The following SLC35A1 variants were observed in gnomAD, a reference collection of about 807,000 sequenced individuals.
The protein encoded by SLC35A1 is solute carrier family 35 member A1.
In SLC35A1, 21 loss-of-function variants were observed where a neutral mutation model predicts 40.3. The observed-to-expected ratio is 0.52, with a 90% confidence interval of 0.37 to 0.75. SLC35A1 has a LOEUF of 0.75. SLC35A1 is among the 30% of genes least tolerant of loss of function. SLC35A1 has a pLI of 0.00. For synonymous variants in SLC35A1, 146 were observed against 147.3 expected, an observed-to-expected ratio of 0.99 and a Z score of 0.06; for missense variants, 297 against 382.1, an observed-to-expected ratio of 0.78 and a Z score of 1.86.
intron 2 of SLC35A1, among the ~76,000 whole-genome samples, chr6:87,498,299 A>G (rs78575884): frequency 0.017 from 2,584 of 152,254 alleles, 84 homozygotes; most frequent in African/African-American, 0.059. Flanking sequence ...CACTTCATAC[A>G]GTCTGTAAAA....
At chr6:87,502,471 T>C (rs976946233) in intron 4 of SLC35A1, among the ~76,000 whole-genome samples, 2 of 152,224 alleles carry the variant, frequency 1.3e-5, no homozygotes, top group African/African-American at 4.8e-5. Context: ...CTAGATGGTA[T>C]AGACTACTTA....
chr6:87,475,368 CTT>C (rs1769038225), intron 1 of SLC35A1, among the ~76,000 whole-genome samples: 1 of 152,204 alleles, frequency 6.6e-6, no homozygotes, highest in African/African-American at 2.4e-5. Context: ...AGTGCCTTCT[CTT>C]CTACTGATTA....
intron 2 of SLC35A1, among the ~76,000 whole-genome samples, chr6:87,482,443 T>C (rs576461791): frequency 1.3e-5 from 2 of 152,352 alleles, no homozygotes; most frequent in Admixed American, 6.5e-5. Flanking sequence ...AATAAGACTT[T>C]CTTTAGTTTA....
chr6:87,493,515 C>T (rs761715095), intron 2 of SLC35A1, among the ~76,000 whole-genome samples: 4 of 151,930 alleles, frequency 2.6e-5, no homozygotes, highest in Admixed American at 1.3e-4. Flanking sequence ...ATTGATACCA[C>T]AATTTTGATC....
chr6:87,506,897 T>TAGG (rs1770098870), intron 5 of SLC35A1: 1 of 192,986 alleles, frequency 5.2e-6, no homozygotes, highest in African/African-American at 2.4e-5. Flanking sequence ...AGCTATGGAG[T>TAGG]AGGATCATGA....
chr6:87,499,317 T>G (rs1171420318), intron 2 of SLC35A1, among the ~76,000 whole-genome samples: 1 of 152,254 alleles, frequency 6.6e-6, no homozygotes, highest in Non-Finnish European at 1.5e-5. Context: ...TATCAAACTT[T>G]GAGTTGGAAC....
intron 7 of SLC35A1, 128 bp from the exon 8 acceptor site, chr6:87,511,271 C>T (rs1373937375): frequency 4.0e-6 from 4 of 1,003,562 alleles, no homozygotes; most frequent in Middle Eastern, 2.8e-4. Flanking sequence ...CCTTTCTAAA[C>T]CTTGCCATCA....
rs779752365 is a variant in SLC35A1, at chr6:87,508,605, C to A, written c.751+9C>A. ...TGTCTGGTTTGTCATCTGTAAGTAT[C>A]CAGGAATTAAAGGTTCTTAGTAGAT... On this transcript the variant is annotated intron_variant, in intron 6 of 7. Coordinates refer to ENST00000369552, the MANE Select transcript of SLC35A1 (RefSeq NM_006416.5). The A allele has an allele frequency of 3.7e-6, 6 of 1,606,254 alleles. No homozygotes were observed. Among genetic ancestry groups the A allele is most frequent in the Admixed American group, 3.3e-5 (2 of 59,828 alleles).
chr6:87,495,678 C>T (rs1769704920), intron 2 of SLC35A1, among the ~76,000 whole-genome samples: 2 of 148,832 alleles, frequency 1.3e-5, no homozygotes, highest in African/African-American at 5.0e-5. Flanking sequence ...TTTTTTGAGA[C>T]AGAGTCTAGC....
At chr6:87,493,191 C>A (rs1426962691) in intron 2 of SLC35A1, among the ~76,000 whole-genome samples, 1 of 152,108 alleles carries the variant, frequency 6.6e-6, no homozygotes, top group African/African-American at 2.4e-5. Context: ...TTTTGATGCT[C>A]AAAATGTCCC....
At chr6:87,508,280 A>G in intron 5 of SLC35A1, 140 bp from the exon 6 acceptor site, 1 of 625,992 alleles carries the variant, frequency 1.6e-6, no homozygotes, top group Non-Finnish European at 2.8e-6. Context: ...AACCTACATA[A>G]TAAATGCACA....
chr6:87,506,524 T>TAA, intron 5 of SLC35A1, 76 bp downstream of exon 5: 1 of 1,148,380 alleles, frequency 8.7e-7, no homozygotes, highest in Non-Finnish European at 1.3e-6. Context: ...CAGTCTAGTT[T>TAA]ATCTTGCTTT....
intron 2 of SLC35A1, among the ~76,000 whole-genome samples, chr6:87,480,217 C>T (rs1259344324): frequency 6.6e-6 from 1 of 152,202 alleles, no homozygotes; most frequent in African/African-American, 2.4e-5. Context: ...AAGATGGAGG[C>T]TGGATGGCCC....
chr6:87,498,806 A>G (rs1034446706), intron 2 of SLC35A1, among the ~76,000 whole-genome samples: 3 of 152,138 alleles, frequency 2.0e-5, no homozygotes, highest in Admixed American at 6.5e-5. Context: ...ATGTAAGGAA[A>G]GTATATGGGG....
chr6:87,509,508 G>A (rs2127977832), intron 7 of SLC35A1, among the ~76,000 whole-genome samples: 1 of 152,196 alleles, frequency 6.6e-6, no homozygotes, highest in African/African-American at 2.4e-5. Context: ...AGGTACTCAA[G>A]GAAATACATA....
In SLC35A1 at chr6:87,477,453, A is replaced by G; in HGVS notation, c.108A>G (p.Thr36=). ...VYTIALRYTR[T]SDKELYFSTT... ...CCATAGCTTTAAGATACACAAGGAC[A>G]TCAGACAAAGAACTCTACTTTTCAA... Residue 36 remains threonine, a synonymous_variant, in exon 2 of 8, where the codon ACA becomes ACG. Transcript: ENST00000369552. The G allele has an allele frequency of 6.2e-7, 1 of 1,613,988 alleles. No homozygotes were observed. Among genetic ancestry groups the G allele is most frequent in the Non-Finnish European group, 8.5e-7 (1 of 1,179,852 alleles).
At chr6:87,504,655 G>A (rs147966842) in intron 4 of SLC35A1, among the ~76,000 whole-genome samples, 194 of 152,318 alleles carry the variant, frequency 1.3e-3, no homozygotes, top group African/African-American at 3.9e-3. Context: ...TCACATGGTT[G>A]CTTTCTGCCA....
At chr6:87,475,651 AC>A (rs1769048724) in intron 1 of SLC35A1, among the ~76,000 whole-genome samples, 1 of 152,240 alleles carries the variant, frequency 6.6e-6, no homozygotes, top group African/African-American at 2.4e-5. Flanking sequence ...ATATTGAAGA[AC>A]CTGTTTCCTT....
intron 2 of SLC35A1, among the ~76,000 whole-genome samples, chr6:87,497,651 A>G (rs1266302126): frequency 2.6e-5 from 4 of 152,206 alleles, no homozygotes; most frequent in Non-Finnish European, 4.4e-5. Flanking sequence ...ATATTCTGAC[A>G]GGACAAAGAG....
Sources: gnomAD v4.1 joint callset for allele counts (sites outside exome capture counted in the v4.1 genomes callset) on GRCh38, gnomAD v4.1.1 for gene constraint, MANE v1.5 for transcripts, NCBI Gene and HGNC (gene_info 2026-07-23, HGNC 2026-07-21) for gene names.